Variants in FHDC1 observed in about 807,000 individuals in gnomAD.
FHDC1 encodes the protein FH2 domain containing 1.
Under a neutral mutation model 52.6 loss-of-function variants are expected in FHDC1, and 25 were observed. The ratio of observed to expected loss-of-function variants is 0.48; its 90% confidence interval spans 0.35 to 0.66. FHDC1 has a LOEUF of 0.66. Ranked by LOEUF, FHDC1 falls within the 30% of genes least tolerant of loss-of-function variation. FHDC1 has a pLI of 0.01. For synonymous variants in FHDC1, 616 were observed against 581.5 expected (o/e 1.06, Z -0.85); for missense variants, 1,459 against 1,452.8 (o/e 1.00, Z -0.07).
At position 152,962,897 on chromosome 4, in the gene FHDC1, C is replaced by G; in HGVS notation, c.921+13C>G. The stretch of plus-strand genomic sequence containing the variant: ...TATCATGAATGCAGTAAGTAAAATC[C>G]AAAACAATTGTAATGTTATGTTTTC... On this transcript the variant is annotated intron_variant, in intron 7 of 11. Transcript: ENST00000511601. 1 of 1,610,130 alleles carries G rather than the reference C, an allele frequency of 6.2e-7. No homozygotes were observed. Among genetic ancestry groups the G allele is most frequent in the Non-Finnish European group, 8.5e-7 (1 of 1,178,456 alleles).
chr4:152,970,634 G>A (rs1253097794), intron 10 of FHDC1, among the ~76,000 whole-genome samples: 2 of 152,186 alleles, frequency 1.3e-5, no homozygotes, highest in Admixed American at 6.5e-5. Context: ...AGAATGACAG[G>A]CAAAGATTTA....
At position 152,960,592 on chromosome 4, in the gene FHDC1, G is replaced by T; in HGVS notation, c.691G>T (p.Asp231Tyr). Residue 231 changes from aspartate (D) to tyrosine (Y), a missense_variant, in exon 5 of 12, where the codon GAC becomes TAC. Physicochemically the swap from Asp to Tyr is radical, Grantham distance 160. Coordinates refer to ENST00000511601, the MANE Select transcript of FHDC1 (RefSeq NM_001371116.1). The stretch of plus-strand genomic sequence containing the variant: ...AAAGAAGTTAAAAGCGTTTAGTGGC[G>T]ACGTGTCGAAGCTGTCTCTGGCAGA... ...EVKKLKAFSG[D>Y]VSKLSLADSF... 1 of 1,614,078 alleles carries T rather than the reference G, an allele frequency of 6.2e-7. No individual in the cohort carries two copies. Among genetic ancestry groups the T allele is most frequent in the Non-Finnish European group, 8.5e-7 (1 of 1,180,004 alleles).
At chr4:152,964,040 G>A (rs1194726349) in intron 8 of FHDC1, among the ~76,000 whole-genome samples, 1 of 151,986 alleles carries the variant, frequency 6.6e-6, no homozygotes, top group Non-Finnish European at 1.5e-5. Context: ...GATTTTGACT[G>A]TCCTTTGCTA....
rs964995912 is a variant in FHDC1 at position 152,977,753 on chromosome 4, A to G, written c.*1030A>G. The G allele has an allele frequency of 2.0e-5, 3 of 152,260 alleles. No individual in the cohort carries two copies. The highest frequency in any genetic ancestry group is 7.2e-5 in the African/African-American group (3 of 41,460). 9.4% of individuals were successfully genotyped at this position (152,260 alleles called of 1,614,324 possible). Reference sequence around the variant, plus strand: ...CAGGTGTGAGCCACCACACTTGGCCAGTATATCCTCAGTATGAAGATATTT... The same window carrying G: ...CAGGTGTGAGCCACCACACTTGGCCGGTATATCCTCAGTATGAAGATATTT... On this transcript the variant is annotated 3_prime_UTR_variant, in exon 12 of 12. Coordinates refer to ENST00000511601, the MANE Select transcript of FHDC1 (RefSeq NM_001371116.1).
Position 152,975,931 on chromosome 4 carries a change from C to T in FHDC1, c.2640C>T (p.Ala880=), listed in dbSNP as rs148820112. The T allele has an allele frequency of 3.4e-5, 52 of 1,513,838 alleles. No homozygotes were observed. In the East Asian group the frequency reaches 6.8e-4, roughly 20 times the overall value. The allele number at this position is 1,513,838 out of a possible 1,614,324, so 93.8% of individuals were successfully genotyped here. Residue 880 remains alanine (A), a synonymous_variant, in exon 12 of 12, where the codon GCC becomes GCT. Transcript: ENST00000511601. The part of the protein sequence containing the change: ...ASPGASKPGS[A]RRSQGAVAKS... Reference sequence around the variant, plus strand: ...CCGGGGCCTCCAAGCCCGGGAGCGCCCGGCGGAGCCAGGGGGCAGTGGCCA... The same window carrying T: ...CCGGGGCCTCCAAGCCCGGGAGCGCTCGGCGGAGCCAGGGGGCAGTGGCCA...
intron 4 of FHDC1, among the ~76,000 whole-genome samples, chr4:152,959,751 A>G (rs375645322): frequency 2.6e-5 from 4 of 152,008 alleles, no homozygotes; most frequent in Non-Finnish European, 4.4e-5. Context: ...GCATGGGAGG[A>G]TTGGAGGTTA....
the FHDC1 span, among the ~76,000 whole-genome samples, chr4:152,924,256 A>T: frequency 7.2e-5 from 11 of 152,330 alleles, no homozygotes; most frequent in Admixed American, 7.2e-4. Context: ...AACACATGAA[A>T]AAATGCTCAC....
chr4:152,942,036 A>G (rs969994204), intron 1 of FHDC1, among the ~76,000 whole-genome samples: 4 of 152,212 alleles, frequency 2.6e-5, no homozygotes, highest in Non-Finnish European at 5.9e-5. Context: ...GTGAAGTTCC[A>G]TAAAAATGCA....
At chr4:152,971,051 A>G (rs536393957) in intron 10 of FHDC1, among the ~76,000 whole-genome samples, 9 of 152,350 alleles carry the variant, frequency 5.9e-5, no homozygotes, top group African/African-American at 2.2e-4. Flanking sequence ...CCTTCTTCAT[A>G]TAACCATTAT....
rs547266198 is a variant in FHDC1 at position 152,943,300 on chromosome 4, A to C, written c.243A>C (p.Pro81=). ...PIPPPPPGLP[P]TTHMNGYSHL... is the part of the protein sequence containing the mutation. ...CACCTCCCCCACCAGGCCTACCCCC[A>C]ACTACTCACATGAACGGCTACAGCC... Residue 81 remains proline, a synonymous_variant, in exon 2 of 12, where the codon CCA becomes CCC. Transcript: ENST00000511601. 2.0e-3 allele frequency: 988 copies of C among 486,476 alleles called. 17 individuals carry two copies. The South Asian group carries it at 0.026, about 13-fold the overall frequency. The allele number at this position is 486,476 out of a possible 1,614,324, so 30.1% of individuals were successfully genotyped here. A position where few individuals can be genotyped will look rare whatever the true frequency, so the allele number is the denominator to read the frequency against.
chr4:152,930,998 C>CACACACACACACACTCTT, the FHDC1 span, among the ~76,000 whole-genome samples: 42 of 90,992 alleles, frequency 4.6e-4, no homozygotes, highest in South Asian at 0.013. Context: ...CACACACACA[C>CACACACACACACACTCTT]TCTCTCTCTC....
At chr4:152,963,248 A>G in intron 8 of FHDC1, 118 bp downstream of exon 8, 1 of 832,960 alleles carries the variant, frequency 1.2e-6, no homozygotes, top group South Asian at 1.6e-5. Context: ...GGCAAGTTCC[A>G]AGATGGTTCT....
chr4:152,976,928 G>C lies in FHDC1; in HGVS notation c.*205G>C. On this transcript the variant is annotated 3_prime_UTR_variant, in exon 12 of 12. Coordinates refer to ENST00000511601, the MANE Select transcript of FHDC1 (RefSeq NM_001371116.1). ...GAGCCCTGCTGCAGTCCAGCGTCCA[G>C]ATGGATGCACGTTCACTACTGTGAC... 1 of 526,464 alleles carries C rather than the reference G, an allele frequency of 1.9e-6. No individual in the cohort carries two copies. The highest frequency in any genetic ancestry group is 6.3e-5 in the South Asian group (1 of 15,966). 32.6% of individuals were successfully genotyped at this position (526,464 alleles called of 1,614,324 possible).
the FHDC1 span, among the ~76,000 whole-genome samples, chr4:152,930,989 ACACACACACT>A: frequency 1.4e-4 from 21 of 146,140 alleles, no homozygotes; most frequent in African/African-American, 3.6e-4. Flanking sequence ...ACACACACAC[ACACACACACT>A]CTCTCTCTCT....
intron 2 of FHDC1, among the ~76,000 whole-genome samples, chr4:152,948,982 G>A (rs1377537176): frequency 6.6e-6 from 1 of 151,648 alleles, no homozygotes; most frequent in East Asian, 1.9e-4. Flanking sequence ...CCCGTTACTC[G>A]GGAGGCTGAT....
intron 1 of FHDC1, among the ~76,000 whole-genome samples, chr4:152,939,870 A>T (rs1432982538): frequency 6.6e-6 from 1 of 152,160 alleles, no homozygotes; most frequent in Non-Finnish European, 1.5e-5. Flanking sequence ...CTGTCTGCCC[A>T]GGGGCAGATT....
chr4:152,920,745 A>G, the FHDC1 span, among the ~76,000 whole-genome samples: 1 of 152,108 alleles, frequency 6.6e-6, no homozygotes, highest in East Asian at 1.9e-4. Flanking sequence ...AAAAGTTTAA[A>G]CTTTGGGTTA....
the FHDC1 span, among the ~76,000 whole-genome samples, chr4:152,922,150 C>T: frequency 6.6e-6 from 1 of 152,036 alleles, no homozygotes; most frequent in Non-Finnish European, 1.5e-5. Flanking sequence ...ATCAAATAGA[C>T]ACAATAAAAA....
chr4:152,967,426 C>CAA (rs541098373), intron 9 of FHDC1, among the ~76,000 whole-genome samples: 4 of 143,120 alleles, frequency 2.8e-5, no homozygotes, highest in Non-Finnish European at 3.1e-5. Flanking sequence ...GATTGTGTCT[C>CAA]AAAAAAAAAA....
Sources: allele counts gnomAD v4.1 joint callset (sites outside exome capture counted in the v4.1 genomes callset), GRCh38; gene constraint gnomAD v4.1.1; transcripts MANE v1.5; gene names NCBI Gene and HGNC (gene_info 2026-07-23, HGNC 2026-07-21).